The following PTPRE variants were observed in gnomAD, a reference collection of about 807,000 sequenced individuals.
PTPRE encodes receptor-type tyrosine-protein phosphatase epsilon.
PTPRE carries 51 observed loss-of-function variants against 102.0 expected under a neutral mutation model. The observed-to-expected ratio is 0.50, with a 90% CI of 0.40 to 0.63. PTPRE has a LOEUF of 0.63. PTPRE is among the 30% of genes least tolerant of loss of function. PTPRE has a pLI of 0.00. For missense variants in PTPRE, 752 were observed against 915.1 expected, an observed-to-expected ratio of 0.82 and a Z score of 2.30; for synonymous variants, 345 against 348.2, an observed-to-expected ratio of 0.99 and a Z score of 0.10.
At chr10:127,939,966 G>A (rs1848115794) in intron 1 of PTPRE, among the ~76,000 whole-genome samples, 1 of 151,602 alleles carries the variant, frequency 6.6e-6, no homozygotes, top group South Asian at 2.1e-4. Context: ...GCAGGCGCAG[G>A]CAGATGTGGG....
intron 2 of PTPRE, among the ~76,000 whole-genome samples, chr10:127,982,762 A>T (rs1428544593): frequency 6.6e-6 from 1 of 152,182 alleles, no homozygotes; most frequent in Non-Finnish European, 1.5e-5. Flanking sequence ...TCCGGATTGC[A>T]TGCTCAGTAA....
At chr10:128,068,327 G>C in intron 12 of PTPRE, 41 bp downstream of exon 12, 2 of 1,578,322 alleles carry the variant, frequency 1.3e-6, no homozygotes, top group Non-Finnish European at 1.7e-6. Flanking sequence ...TCAAGGGCAG[G>C]CCACAGTGGG....
At chr10:128,039,198 C>A (rs1236523835) in intron 2 of PTPRE, among the ~76,000 whole-genome samples, 1 of 152,114 alleles carries the variant, frequency 6.6e-6, no homozygotes, top group African/African-American at 2.4e-5. Context: ...CAGTGTGTGC[C>A]TCTGTGGGCA....
At chr10:128,025,158 C>CAAAAAAAAAAAAAA (rs71472683) in intron 2 of PTPRE, among the ~76,000 whole-genome samples, 15 of 65,754 alleles carry the variant, frequency 2.3e-4, no homozygotes, top group South Asian at 7.0e-4. Context: ...GATCCTGTCT[C>CAAAAAAAAAAAAAA]AAAAAAAAAA....
chr10:127,991,892 A>G (rs558200869), intron 2 of PTPRE, among the ~76,000 whole-genome samples: 1 of 152,054 alleles, frequency 6.6e-6, no homozygotes, highest in South Asian at 2.1e-4. Context: ...CCCTTACCAA[A>G]CTGTTCCCTC....
At position 128,047,441 on chromosome 10, in the gene PTPRE, C is replaced by G. The variant is rs781608841; in HGVS notation, c.161C>G (p.Pro54Arg). ...CCGCTGCTGGCCTGGCTGCTACTGC[C>G]GCTGCTGCTCCTCCTCCTCGTGCTC... Reference protein sequence around the residue: ...SQPLLAWLLLPLLLLLLVLLL... With the variant: ...SQPLLAWLLLRLLLLLLVLLL... The change falls in exon 4 of 21, where the codon CCG becomes CGG. Residue 54 changes from proline (P) to arginine (R), a missense_variant. Coordinates refer to ENST00000254667, the MANE Select transcript of PTPRE (RefSeq NM_006504.6). 4 of 1,613,246 alleles carry G rather than the reference C, an allele frequency of 2.5e-6. No individual in the cohort carries two copies. Among genetic ancestry groups the G allele is most frequent in the Non-Finnish European group, 2.5e-6 (3 of 1,180,034 alleles).
At chr10:127,924,418 G>A (rs1041511167) in intron 1 of PTPRE, among the ~76,000 whole-genome samples, 1 of 152,172 alleles carries the variant, frequency 6.6e-6, no homozygotes, top group Admixed American at 6.5e-5. Flanking sequence ...TAGAGACAGG[G>A]TTTTGCCATG....
At chr10:127,991,137 A>G (rs772054055) in intron 2 of PTPRE, among the ~76,000 whole-genome samples, 41 of 152,368 alleles carry the variant, frequency 2.7e-4, no homozygotes, top group South Asian at 4.1e-4. Context: ...AGTTCTCAAC[A>G]GAAGACACAC....
chr10:128,036,268 C>T (rs1206663129), intron 2 of PTPRE, among the ~76,000 whole-genome samples: 1 of 152,076 alleles, frequency 6.6e-6, no homozygotes, highest in Non-Finnish European at 1.5e-5. Flanking sequence ...CCCAATAACC[C>T]CCACAAGGAG....
chr10:128,058,757 T>C (rs1849236979), intron 7 of PTPRE, among the ~76,000 whole-genome samples: 1 of 151,206 alleles, frequency 6.6e-6, no homozygotes, highest in South Asian at 2.1e-4. Flanking sequence ...CAGCCCCTAG[T>C]ATCACTTAGG....
At chr10:127,937,944 C>T (rs576601514) in intron 1 of PTPRE, among the ~76,000 whole-genome samples, 27 of 151,604 alleles carry the variant, frequency 1.8e-4, no homozygotes, top group Middle Eastern at 3.2e-3. Flanking sequence ...TGGCGTGTGA[C>T]CTGGATATAT....
intron 1 of PTPRE, among the ~76,000 whole-genome samples, chr10:127,926,236 G>GT (rs531310645): frequency 2.0e-5 from 3 of 152,270 alleles, no homozygotes; most frequent in African/African-American, 4.8e-5. Context: ...AAAACAATGA[G>GT]TTTTTTTCCT....
At chr10:127,992,376 C>T (rs1479086375) in intron 2 of PTPRE, among the ~76,000 whole-genome samples, 10 of 152,172 alleles carry the variant, frequency 6.6e-5, no homozygotes, top group African/African-American at 2.4e-4. Context: ...TCTCGCCATC[C>T]AGGTTGGGCC....
intron 2 of PTPRE, among the ~76,000 whole-genome samples, chr10:128,022,021 G>T (rs535407245): frequency 1.3e-5 from 2 of 152,220 alleles, no homozygotes; most frequent in Non-Finnish European, 2.9e-5. Flanking sequence ...TCCCCTGGAC[G>T]CGGTAATGGA....
intron 2 of PTPRE, among the ~76,000 whole-genome samples, chr10:128,039,333 A>AC (rs1847476628): frequency 6.6e-6 from 1 of 152,150 alleles, no homozygotes; most frequent in African/African-American, 2.4e-5. Flanking sequence ...CCAGTTCTCT[A>AC]TCCTTCGGGA....
At chr10:127,935,442 T>C (rs1847780285) in intron 1 of PTPRE, among the ~76,000 whole-genome samples, 1 of 152,148 alleles carries the variant, frequency 6.6e-6, no homozygotes, top group Non-Finnish European at 1.5e-5. Context: ...CTTTCCCAGA[T>C]TGGTGATGGA....
At position 127,987,946 on chromosome 10, in the gene PTPRE, C is replaced by A. The variant is rs576986969; in HGVS notation, c.-8+5650C>A. On this transcript the variant is annotated intron_variant, in intron 2 of 20. Transcript: ENST00000254667. Reference sequence around the variant, plus strand: ...GTCTTCAGGCTCCTGAGGCCAGGGCCGGCACTCTGTGTGTAAGGGTTTCCT... The same window carrying A: ...GTCTTCAGGCTCCTGAGGCCAGGGCAGGCACTCTGTGTGTAAGGGTTTCCT... Among the ~76,000 whole-genome samples, 3 of 152,302 alleles carry A rather than the reference C, an allele frequency of 2.0e-5. No individual in the cohort carries two copies. The East Asian group carries it at 5.8e-4, about 29-fold the overall frequency.
At position 128,018,890 on chromosome 10, in the gene PTPRE, TCACA is replaced by T. The variant is rs560306147; in HGVS notation, c.-7-21982_-7-21979del. ...CTCTCTCTCACACACACACACACACTCACACAGCACATACAGATAGACACACAGA... is the reference window on the plus strand; with the variant it reads ...CTCTCTCTCACACACACACACACACTCAGCACATACAGATAGACACACAGA... On this transcript the variant is annotated intron_variant, in intron 2 of 20. Transcript: ENST00000254667. Among the ~76,000 whole-genome samples the T allele has an allele frequency of 1.2e-4, 18 of 145,478 alleles. No individual in the cohort carries two copies. In the East Asian group the frequency reaches 3.6e-3, roughly 29 times the overall value.
intron 1 of PTPRE, among the ~76,000 whole-genome samples, chr10:127,972,889 T>A (rs1181964625): frequency 6.6e-6 from 1 of 152,176 alleles, no homozygotes; most frequent in East Asian, 1.9e-4. Flanking sequence ...TGTCTCCACA[T>A]CACACAGAGG....
Sources: allele counts gnomAD v4.1 joint callset (sites outside exome capture counted in the v4.1 genomes callset), GRCh38; gene constraint gnomAD v4.1.1; transcripts MANE v1.5; gene names NCBI Gene and HGNC (gene_info 2026-07-23, HGNC 2026-07-21).